Variants in ZFHX3 observed in about 807,000 individuals in gnomAD.
ZFHX3 encodes zinc finger homeobox protein 3.
ZFHX3 carries 42 observed loss-of-function variants against 279.1 expected under a neutral mutation model. The ratio of observed to expected loss-of-function variants is 0.15; its 90% CI spans 0.12 to 0.19. The LOEUF (loss-of-function observed/expected upper bound fraction) is 0.19, where lower values mean the gene tolerates loss of function less well. Ranked by LOEUF, ZFHX3 falls within the 10% of genes least tolerant of loss-of-function variation. ZFHX3 has a pLI of 1.00. For synonymous variants in ZFHX3, 2,293 were observed against 1,957.8 expected, an observed-to-expected ratio of 1.17 and a Z score of -4.52; for missense variants, 4,981 against 4,754.0, an observed-to-expected ratio of 1.05 and a Z score of -1.40.
At chr16:73,317,210 G>T (rs919901270) in intron 4 of ZFHX3, among the ~76,000 whole-genome samples, 4 of 140,654 alleles carry the variant, frequency 2.8e-5, no homozygotes, top group Admixed American at 2.3e-4. Context: ...TACTGCTGAG[G>T]TTCAGGAAGC....
At chr16:73,013,146 C>A (rs999769800) in intron 1 of ZFHX3, among the ~76,000 whole-genome samples, 3 of 152,306 alleles carry the variant, frequency 2.0e-5, no homozygotes, top group Admixed American at 2.0e-4. Context: ...AGGCCACCAT[C>A]CTGAACACAT....
intron 1 of ZFHX3, among the ~76,000 whole-genome samples, chr16:72,980,178 G>A (rs1425471260): frequency 1.3e-5 from 2 of 152,190 alleles, no homozygotes; most frequent in African/African-American, 2.4e-5. Flanking sequence ...GAGCTAGGAC[G>A]AAGACCTGGG....
intron 8 of ZFHX3, among the ~76,000 whole-genome samples, chr16:73,087,220 C>A (rs974790035): frequency 6.6e-6 from 1 of 152,128 alleles, no homozygotes. Context: ...ACAGGCTGGT[C>A]CATCTCAAAG....
chr16:72,883,966 C>G (rs1293336011), intron 4 of ZFHX3, among the ~76,000 whole-genome samples: 1 of 150,912 alleles, frequency 6.6e-6, no homozygotes, highest in East Asian at 1.9e-4. Context: ...CTGGCCACAA[C>G]ATATTTTAGT....
intron 5 of ZFHX3, among the ~76,000 whole-genome samples, chr16:73,180,575 G>A (rs1006464831): frequency 6.6e-6 from 1 of 152,154 alleles, no homozygotes; most frequent in Non-Finnish European, 1.5e-5. Context: ...CCTCTCTGGG[G>A]TGCTCATGTT....
intron 1 of ZFHX3, among the ~76,000 whole-genome samples, chr16:72,990,922 G>A (rs527289863): frequency 6.6e-6 from 1 of 152,152 alleles, no homozygotes; most frequent in East Asian, 1.9e-4. Context: ...GGAGGTTGCA[G>A]TGAACCAAGA....
At chr16:72,983,143 T>C (rs1962682925) in intron 1 of ZFHX3, among the ~76,000 whole-genome samples, 1 of 152,156 alleles carries the variant, frequency 6.6e-6, no homozygotes, top group African/African-American at 2.4e-5. Context: ...GGTGGAGCCC[T>C]TGGAAGCCCC....
intron 1 of ZFHX3, among the ~76,000 whole-genome samples, chr16:73,727,779 T>C (rs1013251450): frequency 6.6e-6 from 1 of 152,152 alleles, no homozygotes; most frequent in Non-Finnish European, 1.5e-5. Flanking sequence ...CTCATTCTGA[T>C]GTGAACGACT....
At chr16:73,118,113 C>G (rs1444085215) in intron 7 of ZFHX3, among the ~76,000 whole-genome samples, 1 of 152,138 alleles carries the variant, frequency 6.6e-6, no homozygotes, top group Non-Finnish European at 1.5e-5. Context: ...TCAGAGATGC[C>G]CATGAAGGAC....
chr16:73,116,135 A>AAC (rs1966430661), intron 7 of ZFHX3, among the ~76,000 whole-genome samples: 5 of 150,750 alleles, frequency 3.3e-5, no homozygotes, highest in Admixed American at 6.6e-5. Context: ...AAAAAAAAAA[A>AAC]AAATGTTGCT....
intron 3 of ZFHX3, among the ~76,000 whole-genome samples, chr16:73,347,607 A>C (rs2016146474): frequency 7.2e-5 from 11 of 152,238 alleles, no homozygotes; most frequent in Admixed American, 7.2e-4. Context: ...TGGAGCTATC[A>C]GCTGTGTTTA....
chr16:73,302,261 T>C (rs1192563947), intron 4 of ZFHX3, among the ~76,000 whole-genome samples: 22 of 151,936 alleles, frequency 1.4e-4, no homozygotes. Context: ...TTCTCTTCTC[T>C]CTCATCCCCT....
At chr16:73,001,864 A>G (rs994889693) in intron 1 of ZFHX3, among the ~76,000 whole-genome samples, 2 of 151,878 alleles carry the variant, frequency 1.3e-5, no homozygotes, top group Admixed American at 6.6e-5. Context: ...AATTTTGGCC[A>G]GTAAGTAGCA....
chr16:72,842,462 A>T (rs13333025), intron 4 of ZFHX3, among the ~76,000 whole-genome samples: 11,022 of 152,282 alleles, frequency 0.072, 997 homozygotes, highest in Admixed American at 0.2. Flanking sequence ...ATGAAAGGTT[A>T]TGCTTCACTT....
Position 73,417,729 on chromosome 16 carries a change from T to C in ZFHX3, c.-1291+38274A>G, listed in dbSNP as rs113310738. Among the ~76,000 whole-genome samples the C allele has an allele frequency of 1.1e-3, 166 of 151,472 alleles. 1 individual carries two copies. The highest frequency in any genetic ancestry group is 3.6e-3 in the African/African-American group (149 of 41,242). ...CGCCTGTAATCCCAGTACTAGTACT[T>C]TGGGAGGCTGAAGCGGGTGGATCAC... On this transcript the variant is annotated intron_variant, in intron 3 of 17. Coordinates refer to the ZFHX3 transcript ENST00000641206.
intron 1 of ZFHX3, among the ~76,000 whole-genome samples, chr16:73,858,903 G>A (rs1473825042): frequency 1.3e-5 from 2 of 152,148 alleles, no homozygotes; most frequent in African/African-American, 4.8e-5. Context: ...TTTCCCAAAT[G>A]AACTAACCAC....
Position 72,795,725 on chromosome 16 carries a change from T to C in ZFHX3, c.6957A>G (p.Arg2319=), listed in dbSNP as rs1252312677. 2 of 1,614,134 alleles carry C rather than the reference T, an allele frequency of 1.2e-6. No homozygotes were observed. The highest frequency in any genetic ancestry group is 1.7e-6 in the Non-Finnish European group (2 of 1,180,028). Residue 2319 remains arginine, a synonymous_variant, in exon 9 of 10, where the codon AGA becomes AGG. Coordinates refer to ENST00000268489, the MANE Select transcript of ZFHX3 (RefSeq NM_006885.4). The part of the protein sequence containing the change: ...DGERRELTND[R]YIRTSNLNYQ... ...AGTTCAAGTTGCTTGTTCGAATGTA[T>C]CTATCATTTGTAAGCTCACGCCGCT...
chr16:72,855,497 G>C (rs1156923738), intron 4 of ZFHX3, among the ~76,000 whole-genome samples: 1 of 152,158 alleles, frequency 6.6e-6, no homozygotes, highest in African/African-American at 2.4e-5. Context: ...TATTAAATCA[G>C]GCAAATTCTA....
rs376268270 is a variant in ZFHX3, at chr16:72,950,933, C to A, written c.2752G>T (p.Gly918Trp). Residue 918 changes from glycine to tryptophan, a missense_variant, in exon 3 of 10, where the codon GGG becomes TGG. Physicochemically the swap from Gly to Trp is radical, Grantham distance 184. Transcript: ENST00000268489. Reference sequence around the variant, plus strand: ...TCCTCTGACACCAGCTGCCCGCCCCCGAGCCGCATGTCTAGGGGGATCTCA... The same window carrying A: ...TCCTCTGACACCAGCTGCCCGCCCCAGAGCCGCATGTCTAGGGGGATCTCA... ...GGEIPLDMRL[G>W]GGQLVSEELM... The A allele has an allele frequency of 1.2e-6, 2 of 1,613,952 alleles. No homozygotes were observed. The highest frequency in any genetic ancestry group is 1.7e-6 in the Non-Finnish European group (2 of 1,179,996).
Sources: allele counts gnomAD v4.1 joint callset (sites outside exome capture counted in the v4.1 genomes callset), GRCh38; gene constraint gnomAD v4.1.1; transcripts MANE v1.5; gene names NCBI Gene and HGNC (gene_info 2026-07-23, HGNC 2026-07-21).